Variants in RBFOX1 observed in about 807,000 individuals in gnomAD.
RBFOX1 encodes the protein RNA binding protein fox-1 homolog 1.
Under a neutral mutation model 57.7 loss-of-function variants are expected in RBFOX1, and 8 were observed. The ratio of observed to expected loss-of-function variants is 0.14; its 90% CI spans 0.08 to 0.25. The LOEUF is 0.25. Ranked by LOEUF, RBFOX1 falls within the 10% of genes least tolerant of loss-of-function variation. The pLI is 1.00. For missense variants in RBFOX1, 611 were observed against 548.5 expected, an observed-to-expected ratio of 1.11 and a Z score of -1.14; for synonymous variants, 326 against 222.4, an observed-to-expected ratio of 1.47 and a Z score of -4.15.
At chr16:5,403,537 G>A (rs186650906) in intron 1 of RBFOX1, among the ~76,000 whole-genome samples, 37 of 152,160 alleles carry the variant, frequency 2.4e-4, no homozygotes, top group African/African-American at 8.4e-4. Flanking sequence ...TCCTCTTTCT[G>A]GGGTTTAAGG....
intron 1 of RBFOX1, among the ~76,000 whole-genome samples, chr16:6,201,338 T>C (rs11077010): frequency 0.26 from 39,302 of 152,034 alleles, 6,315 homozygotes; most frequent in Admixed American, 0.37. Flanking sequence ...GATTGCTGGA[T>C]CATATGGTAG....
chr16:6,239,738 C>G (rs533406833), intron 1 of RBFOX1, among the ~76,000 whole-genome samples: 2 of 152,080 alleles, frequency 1.3e-5, no homozygotes, highest in South Asian at 4.1e-4. Context: ...ACCTCATGAT[C>G]CGCCTGCCTT....
At chr16:7,315,785 T>A (rs1603619184) in intron 4 of RBFOX1, among the ~76,000 whole-genome samples, 1 of 152,278 alleles carries the variant, frequency 6.6e-6, no homozygotes, top group East Asian at 1.9e-4. Flanking sequence ...TATTTTTGTT[T>A]GTTCTCTATT....
chr16:7,109,916 G>C (rs1291079464), intron 4 of RBFOX1, among the ~76,000 whole-genome samples: 1 of 152,038 alleles, frequency 6.6e-6, no homozygotes, highest in African/African-American at 2.4e-5. Context: ...CCCCCTATCA[G>C]GTAATCTCAC....
intron 4 of RBFOX1, among the ~76,000 whole-genome samples, chr16:7,341,776 C>CTTCCTTCCTTCCTTCCT (rs1568306565): frequency 9.3e-4 from 89 of 95,196 alleles, no homozygotes; most frequent in African/African-American, 3.3e-3. Flanking sequence ...CCCTCCCTCC[C>CTTCCTTCCTTCCTTCCT]TCCTTCCTTC....
At chr16:6,760,217 G>C (rs187531222) in intron 3 of RBFOX1, among the ~76,000 whole-genome samples, 159 of 152,260 alleles carry the variant, frequency 1.0e-3, no homozygotes, top group African/African-American at 3.7e-3. Context: ...AGTTTGTAAT[G>C]AATTCCTCAT....
At position 5,741,670 on chromosome 16, in the gene RBFOX1, A is replaced by G. The variant is rs377093776; in HGVS notation, c.319-125633A>G. 1.8e-4 allele frequency among the ~76,000 whole-genome samples: 28 copies of G among 152,352 alleles called. 1 individual carries two copies. The South Asian group carries it at 5.2e-3, about 28-fold the overall frequency. On this transcript the variant is annotated intron_variant, in intron 3 of 19. Transcript: ENST00000641259. ...TATATCACCATTACATCAGACATTT[A>G]TGGCTCCATTAAAATTCAATGCTAT...
At chr16:7,430,675 A>AAT (rs1555898785) in intron 4 of RBFOX1, among the ~76,000 whole-genome samples, 1,588 of 151,220 alleles carry the variant, frequency 0.011, 28 homozygotes, top group African/African-American at 0.036. Flanking sequence ...AAAAAAAAAA[A>AAT]GTACCCACCC....
chr16:7,593,818 C>G (rs2094558979), intron 7 of RBFOX1, among the ~76,000 whole-genome samples: 2 of 152,132 alleles, frequency 1.3e-5, no homozygotes, highest in South Asian at 4.1e-4. Context: ...TGTCTTGGAA[C>G]TAATCTGTAG....
At chr16:5,407,796 G>T (rs551892314) in intron 1 of RBFOX1, among the ~76,000 whole-genome samples, 6 of 152,312 alleles carry the variant, frequency 3.9e-5, no homozygotes, top group South Asian at 2.1e-4. Flanking sequence ...CGATCCAACT[G>T]CCCCGGCCTC....
intron 2 of RBFOX1, chr16:6,483,383 G>A (rs926696806): frequency 6.6e-7 from 1 of 1,526,390 alleles, no homozygotes; most frequent in Non-Finnish European, 8.8e-7. Context: ...CGGCGCGCAC[G>A]ACAGATGACT....
At chr16:6,150,642 C>T (rs912658855) in intron 1 of RBFOX1, among the ~76,000 whole-genome samples, 1 of 152,174 alleles carries the variant, frequency 6.6e-6, no homozygotes, top group Admixed American at 6.5e-5. Context: ...CACAGCATGA[C>T]ACACTTACGG....
intron 3 of RBFOX1, among the ~76,000 whole-genome samples, chr16:5,660,312 G>C (rs1198983643): frequency 6.6e-6 from 1 of 152,148 alleles, no homozygotes; most frequent in Non-Finnish European, 1.5e-5. Flanking sequence ...GTGACCAGCA[G>C]GTCCTCCTCA....
intron 1 of RBFOX1, among the ~76,000 whole-genome samples, chr16:5,398,125 G>A (rs74956053): frequency 0.012 from 1,760 of 152,314 alleles, 29 homozygotes; most frequent in African/African-American, 0.04. Context: ...CATCAAGAAA[G>A]CCTTTCCTGA....
chr16:7,120,066 G>A (rs949902455), intron 4 of RBFOX1, among the ~76,000 whole-genome samples: 2 of 151,994 alleles, frequency 1.3e-5, no homozygotes, highest in Non-Finnish European at 2.9e-5. Flanking sequence ...AAATCTAAAA[G>A]CACTTGGAAA....
At chr16:6,564,917 G>C (rs1002408971) in intron 2 of RBFOX1, among the ~76,000 whole-genome samples, 58 of 152,034 alleles carry the variant, frequency 3.8e-4, no homozygotes, top group African/African-American at 1.3e-3. Flanking sequence ...AAGGTGGGAG[G>C]ATCACTTGAG....
chr16:7,304,171 G>A (rs2096110191), intron 4 of RBFOX1: 3 of 976,776 alleles, frequency 3.1e-6, no homozygotes, highest in Non-Finnish European at 3.6e-6. Context: ...GGTGCGGTGG[G>A]GGGAGGGAGG....
At chr16:5,468,914 C>G (rs533074859) in intron 2 of RBFOX1, among the ~76,000 whole-genome samples, 1 of 152,346 alleles carries the variant, frequency 6.6e-6, no homozygotes, top group African/African-American at 2.4e-5. Flanking sequence ...CGCCCCGTCC[C>G]TTAGCTTAAT....
chr16:6,487,521 AAAG>A (rs1567403081), intron 2 of RBFOX1, among the ~76,000 whole-genome samples: 1 of 151,490 alleles, frequency 6.6e-6, no homozygotes, highest in Non-Finnish European at 1.5e-5. Flanking sequence ...GTTTAAAAGA[AAAG>A]AGCTGTGGTT....
Sources: gnomAD v4.1 joint callset for allele counts (sites outside exome capture counted in the v4.1 genomes callset) on GRCh38, gnomAD v4.1.1 for gene constraint, MANE v1.5 for transcripts, NCBI Gene and HGNC (gene_info 2026-07-23, HGNC 2026-07-21) for gene names.